ARHGAP39: variants seen among roughly 807,000 people sequenced by gnomAD.
The protein encoded by ARHGAP39 is Rho GTPase activating protein 39, also known as rho GTPase-activating protein 39.
In ARHGAP39, 44 loss-of-function variants were observed where a neutral mutation model predicts 106.9. That is an observed-to-expected ratio of 0.41 (90% CI 0.32 to 0.53). The LOEUF (loss-of-function observed/expected upper bound fraction) is 0.53. Ranked by LOEUF, ARHGAP39 falls within the 20% of genes least tolerant of loss-of-function variation. The pLI is 0.21. For synonymous variants in ARHGAP39, 768 were observed against 693.2 expected (o/e 1.11, Z -1.69); for missense variants, 1,496 against 1,577.3 (o/e 0.95, Z 0.87).
intron 1 of ARHGAP39, among the ~76,000 whole-genome samples, chr8:144,616,850 G>A (rs939228509): frequency 6.6e-6 from 1 of 152,234 alleles, no homozygotes; most frequent in Admixed American, 6.5e-5. Flanking sequence ...AATGTCTTCT[G>A]CTCACTACCA....
intron 2 of ARHGAP39, among the ~76,000 whole-genome samples, chr8:144,600,194 C>T (rs2130928597): frequency 7.0e-6 from 1 of 143,084 alleles, no homozygotes; most frequent in Non-Finnish European, 1.5e-5. Context: ...TGTGTACCTA[C>T]CTGCGTGTGC....
At chr8:144,687,927 A>G (rs1346689137), upstream of ARHGAP39, among the ~76,000 whole-genome samples, 21 of 135,760 alleles carry the variant, frequency 1.5e-4, no homozygotes, top group Admixed American at 5.9e-4. Flanking sequence ...GGCGGTGAGC[A>G]CTTCCCACCC....
chr8:144,694,657 G>A, the ARHGAP39 span, among the ~76,000 whole-genome samples: 2 of 152,282 alleles, frequency 1.3e-5, no homozygotes, highest in Admixed American at 6.5e-5. Context: ...GCTCTTTAAC[G>A]ATCTTCATGC....
intron 9 of ARHGAP39, among the ~76,000 whole-genome samples, chr8:144,532,676 G>A (rs578206787): frequency 1.2e-4 from 19 of 152,266 alleles, no homozygotes; most frequent in African/African-American, 4.3e-4. Context: ...TCACCAAAGG[G>A]CCACTGGGGC....
Position 144,604,212 on chromosome 8 carries a change from C to T in ARHGAP39, c.80+1323G>A, listed in dbSNP as rs920878964. Among the ~76,000 whole-genome samples the T allele has an allele frequency of 6.6e-6, 1 of 152,104 alleles. No homozygotes were observed. Among genetic ancestry groups the T allele is most frequent in the African/African-American group, 2.4e-5 (1 of 41,424 alleles). Reference sequence around the variant, plus strand: ...TGGCCGGGAGGCAGCAGCTGCACCTCGGGGGGTGCGGGCGAGGCCTCTGTC... The same window carrying T: ...TGGCCGGGAGGCAGCAGCTGCACCTTGGGGGGTGCGGGCGAGGCCTCTGTC... On this transcript the variant is annotated intron_variant, in intron 2 of 11. Coordinates refer to ENST00000377307, the MANE Select transcript of ARHGAP39 (RefSeq NM_025251.3). The surrounding 1 kb of genome is among the most constrained non-coding windows in gnomAD (Gnocchi z 4.1).
At chr8:144,667,019 T>C (rs1226192871) in intron 1 of ARHGAP39, among the ~76,000 whole-genome samples, 1 of 152,224 alleles carries the variant, frequency 6.6e-6, no homozygotes, top group Non-Finnish European at 1.5e-5. Flanking sequence ...AAGTTTCTGC[T>C]ACAGATTAAT....
intron 1 of ARHGAP39, among the ~76,000 whole-genome samples, chr8:144,609,516 C>T (rs1243086002): frequency 6.6e-6 from 1 of 151,588 alleles, no homozygotes; most frequent in Non-Finnish European, 1.5e-5. Context: ...ATTCTCCTGC[C>T]TCAGCCTCCC....
At chr8:144,605,439 G>T in intron 2 of ARHGAP39, 96 bp downstream of exon 2, 1 of 1,320,550 alleles carries the variant, frequency 7.6e-7, no homozygotes. Flanking sequence ...ATTCTCCACG[G>T]AGAATCCTGC....
intron 1 of ARHGAP39, among the ~76,000 whole-genome samples, chr8:144,620,137 G>A (rs778578157): frequency 2.8e-4 from 40 of 144,686 alleles, no homozygotes; most frequent in African/African-American, 9.5e-4. Flanking sequence ...GTGTGAGCCT[G>A]TGTGTCCCTG....
chr8:144,681,740 G>A (rs1485228394), intron 1 of ARHGAP39, among the ~76,000 whole-genome samples: 1 of 152,168 alleles, frequency 6.6e-6, no homozygotes, highest in Non-Finnish European at 1.5e-5. Flanking sequence ...TAGGCTATTT[G>A]TGTTACCACT....
chr8:144,696,453 T>C, the ARHGAP39 span, among the ~76,000 whole-genome samples: 3 of 152,188 alleles, frequency 2.0e-5, no homozygotes, highest in Non-Finnish European at 4.4e-5. Flanking sequence ...CCAGTTAAAA[T>C]TTGTCTATCA....
At chr8:144,589,868 G>T (rs1254596125) in intron 2 of ARHGAP39, among the ~76,000 whole-genome samples, 2 of 152,232 alleles carry the variant, frequency 1.3e-5, no homozygotes, top group Non-Finnish European at 2.9e-5. Flanking sequence ...TTAGGACAAG[G>T]GCTGTGGGCT....
intron 4 of ARHGAP39, among the ~76,000 whole-genome samples, chr8:144,551,234 G>A (rs1325858178): frequency 2.6e-5 from 4 of 152,066 alleles, no homozygotes; most frequent in Non-Finnish European, 5.9e-5. Context: ...GCAGGCGGCC[G>A]GGAGGGTGGG....
At chr8:144,608,675 A>C (rs1430014700) in intron 1 of ARHGAP39, among the ~76,000 whole-genome samples, 1 of 152,224 alleles carries the variant, frequency 6.6e-6, no homozygotes, top group African/African-American at 2.4e-5. Flanking sequence ...TGTTGAATCT[A>C]TCGATGAGTA....
Position 144,547,715 on chromosome 8 carries a change from C to G in ARHGAP39, c.1371G>C (p.Arg457=). Residue 457 remains arginine, a synonymous_variant, in exon 5 of 12, where the codon CGG becomes CGC. Transcript: ENST00000377307. The surrounding 1 kb of genome is among the most constrained non-coding windows in gnomAD (Gnocchi z 5.2). The stretch of plus-strand genomic sequence containing the variant: ...GCAGCGGCGTGGGCGGCTGGCTGTG[C>G]CGCAGCTCAGGTCCCTCCATGGTGC... The part of the protein sequence containing the change: ...DYSTMEGPEL[R]HSQPPTPLPQ... The G allele has an allele frequency of 6.3e-7, 1 of 1,591,896 alleles. No homozygotes were observed. The highest frequency in any genetic ancestry group is 1.1e-5 in the South Asian group (1 of 89,234).
Position 144,605,591 on chromosome 8 carries a change from C to G in ARHGAP39, c.24G>C (p.Glu8Asp). 1 of 1,613,738 alleles carries G rather than the reference C, an allele frequency of 6.2e-7. No homozygotes were observed. The highest frequency in any genetic ancestry group is 1.1e-5 in the South Asian group (1 of 91,092). ...GCAGGTCGACATTATGGCTCCTGCA[C>G]TCGTAGTCCTGCGTCTGGGACATCG... MSQTQDY[E>D]CRSHNVDLPE... is the part of the protein sequence containing the mutation. Residue 8 changes from glutamate (E) to aspartate (D), a missense_variant, in exon 2 of 12, where the codon GAG (glutamate) becomes GAC (aspartate). Around this residue, in one of 4 missense-constraint regions of ARHGAP39, gnomAD observed 96 missense variants for 107.9 expected, o/e 0.89. Transcript: ENST00000377307.
chr8:144,666,847 G>A (rs1380547524), intron 1 of ARHGAP39, among the ~76,000 whole-genome samples: 3 of 152,102 alleles, frequency 2.0e-5, no homozygotes, highest in Non-Finnish European at 2.9e-5. Flanking sequence ...CCCCAATACA[G>A]TGTTCAAAGC....
chr8:144,605,373 A>G (rs4541972), intron 2 of ARHGAP39, among the ~76,000 whole-genome samples, 162 bp downstream of exon 2: 149,977 of 152,384 alleles, frequency 0.98, 73,984 homozygotes, highest in Middle Eastern at 1. Flanking sequence ...TGAGGGCTGC[A>G]CTGTGCACAG....
At chr8:144,589,977 C>A (rs1252662620) in intron 2 of ARHGAP39, among the ~76,000 whole-genome samples, 1 of 152,256 alleles carries the variant, frequency 6.6e-6, no homozygotes, top group Non-Finnish European at 1.5e-5. Flanking sequence ...TCGGGGCCCA[C>A]GACGCCCTGA....
Sources: allele counts gnomAD v4.1 joint callset (sites outside exome capture counted in the v4.1 genomes callset), GRCh38; gene constraint gnomAD v4.1.1; regional missense constraint gnomAD v4.1.1; non-coding constraint Gnocchi (gnomAD v3.1); transcripts MANE v1.5; gene names NCBI Gene and HGNC (gene_info 2026-07-23, HGNC 2026-07-21).